The following NELL1 variants were observed in gnomAD, a reference collection of about 807,000 sequenced individuals.
NELL1 encodes neural EGFL like 1.
Under a neutral mutation model 107.4 loss-of-function variants are expected in NELL1, and 76 were observed. The observed-to-expected ratio is 0.71, with a 90% CI of 0.59 to 0.86. NELL1 has a LOEUF of 0.86. Among genes scored for constraint, NELL1 ranks in the 40% least tolerant of loss-of-function variants. NELL1 has a pLI of 0.00. For missense variants in NELL1, 1,024 were observed against 1,005.5 expected, an observed-to-expected ratio of 1.02 and a Z score of -0.25; for synonymous variants, 353 against 341.2, an observed-to-expected ratio of 1.03 and a Z score of -0.38.
intron 13 of NELL1, among the ~76,000 whole-genome samples, chr11:21,206,134 A>G (rs900126907): frequency 1.1e-4 from 17 of 152,140 alleles, no homozygotes; most frequent in African/African-American, 4.1e-4. Context: ...TTCTCTGACA[A>G]TTTTGGAGAT....
chr11:21,118,234 G>T (rs2133737087), intron 13 of NELL1, among the ~76,000 whole-genome samples: 1 of 152,144 alleles, frequency 6.6e-6, no homozygotes, highest in Non-Finnish European at 1.5e-5. Context: ...GGGGGGCTGT[G>T]GGAATTGACT....
At chr11:20,857,363 T>A (rs1270249316) in intron 4 of NELL1, among the ~76,000 whole-genome samples, 1 of 152,132 alleles carries the variant, frequency 6.6e-6, no homozygotes, top group Non-Finnish European at 1.5e-5. Flanking sequence ...CCCTCGAACC[T>A]CAGCATGGGC....
intron 12 of NELL1, among the ~76,000 whole-genome samples, chr11:20,994,877 A>T (rs1158355135): frequency 6.6e-6 from 1 of 152,198 alleles, no homozygotes; most frequent in Non-Finnish European, 1.5e-5. Flanking sequence ...AAATGTCATA[A>T]ATAATTATTG....
At chr11:20,678,831 C>G (rs972309899) in intron 2 of NELL1, among the ~76,000 whole-genome samples, 1 of 152,144 alleles carries the variant, frequency 6.6e-6, no homozygotes, top group African/African-American at 2.4e-5. Context: ...CTAAAGGCCC[C>G]ACCTCTTAAT....
intron 14 of NELL1, among the ~76,000 whole-genome samples, chr11:21,274,010 C>T (rs1303459817): frequency 1.3e-5 from 2 of 152,146 alleles, no homozygotes; most frequent in Non-Finnish European, 2.9e-5. Flanking sequence ...AGCAAAATAA[C>T]CAGCTAACAT....
chr11:21,075,649 T>A (rs1854117151), intron 12 of NELL1, among the ~76,000 whole-genome samples: 2 of 152,156 alleles, frequency 1.3e-5, no homozygotes, highest in African/African-American at 4.8e-5. Context: ...TCCATTATGT[T>A]TGCTTAGGCT....
chr11:21,134,188 A>G (rs1020940677), intron 13 of NELL1, among the ~76,000 whole-genome samples: 1 of 152,228 alleles, frequency 6.6e-6, no homozygotes, highest in African/African-American at 2.4e-5. Flanking sequence ...TGCTTCTGAA[A>G]GTCTATGATT....
intron 3 of NELL1, among the ~76,000 whole-genome samples, chr11:20,785,300 T>C (rs920874895): frequency 6.6e-6 from 1 of 152,232 alleles, no homozygotes; most frequent in Non-Finnish European, 1.5e-5. Context: ...TGTGGGGGTG[T>C]TGTCATTACA....
intron 15 of NELL1, among the ~76,000 whole-genome samples, chr11:21,475,973 A>T (rs1248424840): frequency 6.6e-6 from 1 of 152,162 alleles, no homozygotes; most frequent in Admixed American, 6.6e-5. Context: ...TATTTATGAA[A>T]TTTATTCAAA....
intron 2 of NELL1, among the ~76,000 whole-genome samples, chr11:20,696,459 C>A (rs1439294767): frequency 9.9e-5 from 15 of 151,974 alleles, no homozygotes; most frequent in Admixed American, 9.9e-4. Context: ...GTGCTATAAG[C>A]CTTCTTCTTA....
At chr11:20,893,261 G>T (rs1849655687) in intron 5 of NELL1, among the ~76,000 whole-genome samples, 1 of 151,866 alleles carries the variant, frequency 6.6e-6, no homozygotes, top group Non-Finnish European at 1.5e-5. Flanking sequence ...CCTGTTGGGG[G>T]GTGAGGGGTG....
At position 21,183,748 on chromosome 11, in the gene NELL1, G is replaced by A. The variant is rs550924275; in HGVS notation, c.1427-45584G>A. Among the ~76,000 whole-genome samples the A allele has an allele frequency of 1.6e-3, 239 of 151,786 alleles. 9 individuals are homozygous for A. Among genetic ancestry groups the A allele is most frequent in the African/African-American group, 5.6e-3 (232 of 41,142 alleles). ...GAATATAACTAGTGGGAACCATGCC[G>A]ACCCAACAGATATTACTTTATTTTA... is the stretch of plus-strand genomic sequence containing the variant. On this transcript the variant is annotated intron_variant, in intron 13 of 19. Coordinates refer to ENST00000357134, the MANE Select transcript of NELL1 (RefSeq NM_006157.5).
intron 12 of NELL1, among the ~76,000 whole-genome samples, chr11:21,070,853 G>C (rs1853995125): frequency 6.6e-6 from 1 of 152,068 alleles, no homozygotes; most frequent in Non-Finnish European, 1.5e-5. Flanking sequence ...ACCTTAGCCA[G>C]GTCAACTATC....
chr11:20,768,672 C>G (rs1269036683), intron 2 of NELL1, among the ~76,000 whole-genome samples: 1 of 152,014 alleles, frequency 6.6e-6, no homozygotes, highest in African/African-American at 2.4e-5. Context: ...ACATGAGGAT[C>G]GGATAGAAAA....
chr11:20,989,863 G>A (rs1851933454), intron 12 of NELL1, among the ~76,000 whole-genome samples: 1 of 152,042 alleles, frequency 6.6e-6, no homozygotes, highest in Non-Finnish European at 1.5e-5. Context: ...TGGGCATGGT[G>A]GCGGGCGCCT....
intron 12 of NELL1, among the ~76,000 whole-genome samples, chr11:21,052,199 G>T (rs1853509481): frequency 6.6e-6 from 1 of 151,986 alleles, no homozygotes; most frequent in South Asian, 2.1e-4. Flanking sequence ...GTGGTGAGAT[G>T]GGGGAAAGTG....
intron 13 of NELL1, among the ~76,000 whole-genome samples, chr11:21,132,739 G>A (rs565945230): frequency 2.0e-4 from 31 of 152,046 alleles, no homozygotes; most frequent in Non-Finnish European, 3.5e-4. Flanking sequence ...CTGAAGGGTC[G>A]AAGCTCTTCT....
At chr11:20,902,255 G>C (rs1219478596) in intron 5 of NELL1, among the ~76,000 whole-genome samples, 1 of 151,360 alleles carries the variant, frequency 6.6e-6, no homozygotes, top group Non-Finnish European at 1.5e-5. Context: ...TTGAAGAAAT[G>C]CTGCAAATCA....
At chr11:21,114,556 CT>C (rs916316640) in intron 13 of NELL1, among the ~76,000 whole-genome samples, 6 of 151,252 alleles carry the variant, frequency 4.0e-5, no homozygotes, top group South Asian at 4.2e-4. Flanking sequence ...TTTTAATGTA[CT>C]TTTTTTTTCT....
Sources: allele counts gnomAD v4.1 joint callset (sites outside exome capture counted in the v4.1 genomes callset), GRCh38; gene constraint gnomAD v4.1.1; transcripts MANE v1.5; gene names NCBI Gene and HGNC (gene_info 2026-07-23, HGNC 2026-07-21).